Variants in VPS13D observed in about 807,000 individuals in gnomAD.
VPS13D encodes vacuolar protein sorting 13 homolog D.
Under a neutral mutation model 461.9 loss-of-function variants are expected in VPS13D, and 187 were observed. The observed-to-expected ratio is 0.40, with a 90% confidence interval of 0.36 to 0.46. The LOEUF (loss-of-function observed/expected upper bound fraction) is 0.46, where lower values mean the gene tolerates loss of function less well. Ranked by LOEUF, VPS13D falls within the 20% of genes least tolerant of loss-of-function variation. The pLI is 0.60. For missense variants in VPS13D, 4,711 were observed against 5,364.9 expected (o/e 0.88, Z 3.81); for synonymous variants, 1,951 against 1,986.3 (o/e 0.98, Z 0.47).
At position 12,299,432 on chromosome 1, in the gene VPS13D, C is replaced by T. The variant is rs373736073; in HGVS notation, c.6216+48C>T. The T allele has an allele frequency of 7.5e-5, 116 of 1,539,602 alleles. No individual in the cohort carries two copies. Among genetic ancestry groups the T allele is most frequent in the Middle Eastern group, 4.8e-4 (2 of 4,182 alleles). ...CTTTTCCGTTCAGCTAGTATTTGAT[C>T]ACTAATTGAAAAATTTGTATGCTGC... On this transcript the variant is annotated intron_variant, in intron 25 of 69. Transcript: ENST00000620676. The surrounding 1 kb of genome is among the most constrained non-coding windows in gnomAD (Gnocchi z 4.2).
intron 65 of VPS13D, among the ~76,000 whole-genome samples, chr1:12,443,895 G>C (rs980810943): frequency 6.6e-6 from 1 of 151,316 alleles, no homozygotes; most frequent in African/African-American, 2.4e-5. Flanking sequence ...GTCCAGGCTG[G>C]AGTACAGTGG....
At chr1:12,438,310 C>T (rs543719804) in intron 65 of VPS13D, among the ~76,000 whole-genome samples, 16 of 152,118 alleles carry the variant, frequency 1.1e-4, no homozygotes, top group African/African-American at 3.1e-4. Context: ...ACCCTTCTAC[C>T]GTGTGAGGTT....
chr1:12,492,370 AG>A (rs1645894681), intron 67 of VPS13D, among the ~76,000 whole-genome samples: 2 of 152,272 alleles, frequency 1.3e-5, no homozygotes, highest in South Asian at 4.1e-4. Flanking sequence ...CAAAGATTCA[AG>A]AGTCTAGACC....
chr1:12,378,416 C>A lies in VPS13D; in HGVS notation c.10918-12C>A. 1 of 1,581,868 alleles carries A rather than the reference C, an allele frequency of 6.3e-7. No homozygotes were observed. The highest frequency in any genetic ancestry group is 8.6e-7 in the Non-Finnish European group (1 of 1,164,986). On this transcript the variant is annotated splice_polypyrimidine_tract_variant and intron_variant, in intron 55 of 69. Transcript: ENST00000620676. Reference sequence around the variant, plus strand: ...ATGGCTCTTTCTCTTTTTGCTTGTACCTACTTAACAGGAACCAGGAAAGCG... The same window carrying A: ...ATGGCTCTTTCTCTTTTTGCTTGTAACTACTTAACAGGAACCAGGAAAGCG...
chr1:12,389,427 G>A (rs958996889), intron 60 of VPS13D, among the ~76,000 whole-genome samples: 1 of 152,054 alleles, frequency 6.6e-6, no homozygotes, highest in Admixed American at 6.5e-5. Flanking sequence ...GCCATCCTTC[G>A]TACAGCTGGA....
intron 29 of VPS13D, among the ~76,000 whole-genome samples, chr1:12,313,472 C>T (rs984403056): frequency 2.6e-5 from 4 of 151,784 alleles, no homozygotes; most frequent in African/African-American, 4.8e-5. Flanking sequence ...CGTCACCCAG[C>T]GATTTTCTGT....
intron 1 of VPS13D, among the ~76,000 whole-genome samples, chr1:12,231,762 G>T (rs913417006): frequency 1.3e-5 from 2 of 152,200 alleles, no homozygotes; most frequent in African/African-American, 4.8e-5. Context: ...GCCAAAGTGG[G>T]CAGATCGCTT....
In VPS13D at chr1:12,327,632, C is replaced by T; in HGVS notation, c.7991-16C>T. The T allele has an allele frequency of 1.2e-6, 2 of 1,613,602 alleles. No homozygotes were observed. The highest frequency in any genetic ancestry group is 1.7e-6 in the Non-Finnish European group (2 of 1,179,768). On this transcript the variant is annotated splice_polypyrimidine_tract_variant and intron_variant, in intron 35 of 69. Coordinates refer to ENST00000620676, the MANE Select transcript of VPS13D (RefSeq NM_015378.4). ...TGGAAGCTGGTAGAACTGATCACTT[C>T]TTAATTTCTTTGAAGGCCAATTGAA... is the stretch of plus-strand genomic sequence containing the variant.
At chr1:12,256,665 G>A (rs186906137) in intron 8 of VPS13D, among the ~76,000 whole-genome samples, 162 bp downstream of exon 8, 52 of 145,642 alleles carry the variant, frequency 3.6e-4, no homozygotes, top group African/African-American at 1.3e-3. Flanking sequence ...CTGTTACATA[G>A]TTAAATTGGG....
In VPS13D at chr1:12,427,242, T is replaced by TTTATTATTA. The variant is rs55913483; in HGVS notation, c.12333+10446_12333+10454dup. On this transcript the variant is annotated intron_variant, in intron 65 of 69. Transcript: ENST00000620676. ...TAAATGGTATTATTATTGTCATTAT[T>TTTATTATTA]TTATTATTATTATTATTATTATTAT... Among the ~76,000 whole-genome samples the TTTATTATTA allele has an allele frequency of 3.4e-3, 434 of 128,760 alleles. 3 individuals are homozygous for TTTATTATTA. Among genetic ancestry groups the TTTATTATTA allele is most frequent in the South Asian group, 5.9e-3 (24 of 4,086 alleles). 84.5% of individuals were successfully genotyped at this position (128,760 alleles called of 152,430 possible). A position where few individuals can be genotyped will look rare whatever the true frequency, so the allele number is the denominator to read the frequency against.
chr1:12,320,627 A>T (rs2101526893), intron 32 of VPS13D, among the ~76,000 whole-genome samples: 1 of 152,290 alleles, frequency 6.6e-6, no homozygotes, highest in East Asian at 1.9e-4. Flanking sequence ...TGCTGGTGTG[A>T]TGTGAGTTGA....
rs183393458 is a variant in VPS13D at position 12,275,977 on chromosome 1, G to A, written c.2389G>A (p.Val797Ile). 3.2e-5 allele frequency: 51 copies of A among 1,614,010 alleles called. No individual in the cohort carries two copies. The East Asian group carries it at 6.5e-4, about 20-fold the overall frequency. Residue 797 changes from valine (V) to isoleucine (I), a missense_variant, in exon 19 of 70, where the codon GTT becomes ATT. Val to Ile is a conservative substitution (Grantham distance 29). This residue lies in a region of VPS13D where 4,411 missense variants were observed against 4,937.8 expected (regional missense o/e 0.89). Transcript: ENST00000620676. ...AGAGAAAACACCTCCCTTTTCTGGA[G>A]TTGAGTTCAGTGAAGAACAGCTTCA... Reference protein sequence around the residue: ...NGEKTPPFSGVEFSEEQLQAH... With the variant: ...NGEKTPPFSGIEFSEEQLQAH...
chr1:12,492,774 A>G (rs1009625106), intron 67 of VPS13D, among the ~76,000 whole-genome samples: 1 of 152,226 alleles, frequency 6.6e-6, no homozygotes, highest in Non-Finnish European at 1.5e-5. Flanking sequence ...TGGGATAGTC[A>G]TACAATGGAA....
chr1:12,304,180 T>C (rs957686340), intron 25 of VPS13D, among the ~76,000 whole-genome samples: 35 of 152,354 alleles, frequency 2.3e-4, no homozygotes, highest in Non-Finnish European at 2.2e-4. Flanking sequence ...TTTGCCGCAT[T>C]TGACCTTGAT....
rs568504067 is a variant in VPS13D, at chr1:12,507,475, C to T, written c.13035+382C>T. 5.4e-4 allele frequency: 255 copies of T among 474,522 alleles called. 2 individuals carry two copies. Among genetic ancestry groups the T allele is most frequent in the Non-Finnish European group, 2.1e-4 (51 of 239,478 alleles). The allele number at this position is 474,522 out of a possible 1,614,324, so 29.4% of individuals were successfully genotyped here. On this transcript the variant is annotated intron_variant, in intron 69 of 69. Coordinates refer to ENST00000620676, the MANE Select transcript of VPS13D (RefSeq NM_015378.4). The surrounding 1 kb of genome is among the most constrained non-coding windows in gnomAD (Gnocchi z 5.3). ...AAATCGAAGAAAGCACTGGAGCTCA[C>T]GCTGGTTTCTCCATTGTTTCTCCTT...
At chr1:12,386,417 A>G (rs969183408) in intron 60 of VPS13D, 83 bp downstream of exon 60, 2 of 1,420,568 alleles carry the variant, frequency 1.4e-6, no homozygotes, top group Non-Finnish European at 1.9e-6. Flanking sequence ...TGTTCTAAGA[A>G]CTTTAATGTT....
intron 65 of VPS13D, among the ~76,000 whole-genome samples, chr1:12,426,731 C>T (rs1397408945): frequency 6.6e-6 from 1 of 151,996 alleles, no homozygotes; most frequent in African/African-American, 2.4e-5. Context: ...AAATTTAGTT[C>T]TGCAGCCGGG....
chr1:12,451,040 A>G (rs1193881938), intron 65 of VPS13D, among the ~76,000 whole-genome samples: 1 of 152,240 alleles, frequency 6.6e-6, no homozygotes, highest in East Asian at 1.9e-4. Context: ...CTCCTGTTAC[A>G]CTGGCCAAAT....
At chr1:12,490,282 C>G (rs1241194800) in intron 67 of VPS13D, among the ~76,000 whole-genome samples, 1 of 152,178 alleles carries the variant, frequency 6.6e-6, no homozygotes, top group Non-Finnish European at 1.5e-5. Flanking sequence ...TTTCTTTCTG[C>G]CCAACCTATT....
Sources: gnomAD v4.1 joint callset for allele counts (sites outside exome capture counted in the v4.1 genomes callset) on GRCh38, gnomAD v4.1.1 for gene constraint, gnomAD v4.1.1 regional missense constraint, Gnocchi (gnomAD v3.1) non-coding constraint, MANE v1.5 for transcripts, NCBI Gene and HGNC (gene_info 2026-07-23, HGNC 2026-07-21) for gene names.